SYNPR: variants seen among roughly 807,000 people sequenced by gnomAD.
SYNPR encodes synaptoporin.
SYNPR carries 23 observed loss-of-function variants against 32.9 expected under a neutral mutation model. The observed-to-expected ratio is 0.70, with a 90% CI of 0.50 to 0.99. SYNPR has a LOEUF of 0.99. SYNPR is among the 50% of genes least tolerant of loss of function. The pLI, the probability that SYNPR is intolerant of heterozygous loss-of-function variation, is 0.00. For synonymous variants in SYNPR, 146 were observed against 135.9 expected (o/e 1.07, Z -0.52); for missense variants, 318 against 349.3 (o/e 0.91, Z 0.71).
chr3:63,354,721 C>G (rs902742151), intron 2 of SYNPR, among the ~76,000 whole-genome samples: 1 of 152,142 alleles, frequency 6.6e-6, no homozygotes, highest in African/African-American at 2.4e-5. Context: ...TATATCAACT[C>G]TTGCTTTTCA....
chr3:63,449,239 T>C (rs1232706237), intron 2 of SYNPR, among the ~76,000 whole-genome samples: 38 of 152,176 alleles, frequency 2.5e-4, no homozygotes, highest in African/African-American at 2.4e-5. Flanking sequence ...TGGTTTTTTG[T>C]GGGTATTCAC....
At chr3:63,468,515 A>ACACACACACACAC (rs1559508057) in intron 2 of SYNPR, among the ~76,000 whole-genome samples, 1 of 151,844 alleles carries the variant, frequency 6.6e-6, no homozygotes, top group African/African-American at 2.4e-5. Context: ...ACACACACAC[A>ACACACACACACAC]AATGCTTAAG....
intron 2 of SYNPR, among the ~76,000 whole-genome samples, chr3:63,328,568 AT>A (rs1317511795): frequency 6.6e-6 from 1 of 152,186 alleles, no homozygotes; most frequent in Non-Finnish European, 1.5e-5. Flanking sequence ...TAAAAGCAAA[AT>A]TGCTGGTGAC....
chr3:63,271,625 A>G (rs2086536100), intron 3 of SYNPR, among the ~76,000 whole-genome samples: 1 of 152,090 alleles, frequency 6.6e-6, no homozygotes, highest in Non-Finnish European at 1.5e-5. Context: ...ATATAAATAT[A>G]TCTTCCCTAA....
intron 2 of SYNPR, among the ~76,000 whole-genome samples, chr3:63,404,701 AATC>A (rs1323325635): frequency 6.6e-6 from 1 of 152,152 alleles, no homozygotes; most frequent in Non-Finnish European, 1.5e-5. Context: ...TTCAAGTAAA[AATC>A]ATAATTCATA....
chr3:63,607,782 A>T (rs1700144478), intron 4 of SYNPR, among the ~76,000 whole-genome samples: 1 of 152,176 alleles, frequency 6.6e-6, no homozygotes, highest in African/African-American at 2.4e-5. Context: ...CTCCACAAAG[A>T]TCACACCTAA....
intron 2 of SYNPR, among the ~76,000 whole-genome samples, chr3:63,404,375 T>C (rs1384125961): frequency 2.0e-5 from 3 of 152,138 alleles, no homozygotes; most frequent in African/African-American, 7.2e-5. Context: ...ACTACAACAA[T>C]GATAATAGTC....
chr3:63,469,956 G>A (rs1407125507), intron 2 of SYNPR, among the ~76,000 whole-genome samples: 1 of 152,124 alleles, frequency 6.6e-6, no homozygotes, highest in Non-Finnish European at 1.5e-5. Flanking sequence ...TCTAATGACA[G>A]TTCTGAATTT....
chr3:63,591,858 G>C (rs1172661413), intron 4 of SYNPR, among the ~76,000 whole-genome samples: 2 of 148,376 alleles, frequency 1.3e-5, no homozygotes, highest in African/African-American at 2.5e-5. Context: ...CCTAATGCTA[G>C]ATGACGCGTT....
At chr3:63,467,380 G>A (rs538435851) in intron 2 of SYNPR, among the ~76,000 whole-genome samples, 1 of 152,272 alleles carries the variant, frequency 6.6e-6, no homozygotes, top group East Asian at 1.9e-4. Context: ...TTGTTCCCTA[G>A]TATTTTCTAA....
At chr3:63,249,352 T>C (rs1323959097) in intron 1 of SYNPR, among the ~76,000 whole-genome samples, 4 of 152,120 alleles carry the variant, frequency 2.6e-5, no homozygotes, top group Non-Finnish European at 5.9e-5. Context: ...TGTAGTCTTT[T>C]TGAAGGGGAG....
At chr3:63,586,005 T>G (rs1216168522) in intron 4 of SYNPR, among the ~76,000 whole-genome samples, 2 of 152,076 alleles carry the variant, frequency 1.3e-5, no homozygotes, top group Non-Finnish European at 2.9e-5. Context: ...TGCAATATTT[T>G]TTTCTCACTT....
intron 2 of SYNPR, among the ~76,000 whole-genome samples, chr3:63,327,577 G>C (rs1211979706): frequency 6.6e-6 from 1 of 151,986 alleles, no homozygotes; most frequent in Non-Finnish European, 1.5e-5. Flanking sequence ...AATACATTTT[G>C]GTATATTTAT....
Position 63,443,183 on chromosome 3 carries a change from T to G in SYNPR, c.85-37649T>G, listed in dbSNP as rs1700212173. 3 of 1,247,844 alleles carry G rather than the reference T, an allele frequency of 2.4e-6. No homozygotes were observed. In the South Asian group the frequency reaches 6.6e-5, roughly 27 times the overall value. 77.3% of individuals were successfully genotyped at this position (1,247,844 alleles called of 1,614,324 possible). On this transcript the variant is annotated intron_variant, in intron 2 of 5. Transcript: ENST00000478300. ...AGGCAGCGTTCACCAGAGGGGAGTA[T>G]CAGGTTCCTGTACTCAGCTGTGGGT...
chr3:63,359,614 C>G (rs1206415125), intron 2 of SYNPR, among the ~76,000 whole-genome samples: 3 of 152,166 alleles, frequency 2.0e-5, no homozygotes, highest in African/African-American at 7.2e-5. Flanking sequence ...TTGAGCAGTA[C>G]TCCATGGCCC....
intron 4 of SYNPR, among the ~76,000 whole-genome samples, chr3:63,557,925 A>C (rs1459556801): frequency 6.6e-6 from 1 of 152,248 alleles, no homozygotes; most frequent in Non-Finnish European, 1.5e-5. Context: ...CTCATGTTGA[A>C]AGTTGGTCTT....
intron 2 of SYNPR, chr3:63,443,175 G>A (rs1279412139): frequency 3.2e-6 from 4 of 1,232,944 alleles, no homozygotes; most frequent in Admixed American, 7.4e-5. Flanking sequence ...GTTCACCAGA[G>A]GGGAGTATCA....
chr3:63,492,135 T>C (rs1460772455), intron 3 of SYNPR, among the ~76,000 whole-genome samples: 4 of 152,104 alleles, frequency 2.6e-5, no homozygotes, highest in Non-Finnish European at 4.4e-5. Context: ...CCCTAGATTT[T>C]CCCTTGCTCT....
chr3:63,251,991 G>C lies in SYNPR; in HGVS notation n.67-508G>C, dbSNP rs148853559. Among the ~76,000 whole-genome samples the C allele has an allele frequency of 3.2e-3, 494 of 152,034 alleles. 13 individuals carry two copies. The East Asian group carries it at 0.06, about 18-fold the overall frequency. On this transcript the variant is annotated intron_variant and non_coding_transcript_variant, in intron 1 of 4. Coordinates refer to the SYNPR transcript ENST00000478456. ...ATACTTGAGTTAGTGAAATGAGATAGTCTCTATCAATTTAATAGATACATA... is the reference window on the plus strand; with the variant it reads ...ATACTTGAGTTAGTGAAATGAGATACTCTCTATCAATTTAATAGATACATA...
Sources: gnomAD v4.1 joint callset for allele counts (sites outside exome capture counted in the v4.1 genomes callset) on GRCh38, gnomAD v4.1.1 for gene constraint, MANE v1.5 for transcripts, NCBI Gene and HGNC (gene_info 2026-07-23, HGNC 2026-07-21) for gene names.